Variants in ACOX1 observed in about 807,000 individuals in gnomAD.
ACOX1 encodes the protein acyl-CoA oxidase 1, also known as peroxisomal acyl-coenzyme A oxidase 1.
ACOX1 carries 41 observed loss-of-function variants against 75.5 expected under a neutral mutation model. The observed-to-expected ratio is 0.54, with a 90% CI of 0.42 to 0.70. The LOEUF is 0.70. Among genes scored for constraint, ACOX1 ranks in the 30% least tolerant of loss-of-function variants. ACOX1 has a pLI of 0.00. For missense variants in ACOX1, 630 were observed against 837.5 expected, an observed-to-expected ratio of 0.75 and a Z score of 3.06; for synonymous variants, 303 against 298.8, an observed-to-expected ratio of 1.01 and a Z score of -0.15.
chr17:75,954,569 T>C (rs1190439747), intron 6 of ACOX1, among the ~76,000 whole-genome samples: 1 of 96,986 alleles, frequency 1.0e-5, no homozygotes, highest in Non-Finnish European at 1.9e-5. Flanking sequence ...TATTAGCTCC[T>C]TTTTTTTTTT....
At chr17:75,956,163 A>C (rs539994778) in intron 4 of ACOX1, among the ~76,000 whole-genome samples, 58 of 152,282 alleles carry the variant, frequency 3.8e-4, no homozygotes, top group African/African-American at 1.4e-3. Context: ...TTTCTCATAC[A>C]TTTACGTAGA....
At chr17:75,970,688 C>A (rs1250776966) in intron 2 of ACOX1, among the ~76,000 whole-genome samples, 2 of 152,150 alleles carry the variant, frequency 1.3e-5, no homozygotes, top group African/African-American at 4.8e-5. Context: ...TCTGTGAGAC[C>A]GCGTTAGATA....
chr17:75,975,487 C>T (rs2144320478), intron 2 of ACOX1, among the ~76,000 whole-genome samples: 1 of 152,308 alleles, frequency 6.6e-6, no homozygotes, highest in Admixed American at 6.5e-5. Flanking sequence ...TTACATAAAT[C>T]ATAATCCACT....
chr17:75,954,453 G>A (rs2065803879), intron 6 of ACOX1, among the ~76,000 whole-genome samples: 1 of 148,022 alleles, frequency 6.8e-6, no homozygotes, highest in Admixed American at 6.7e-5. Context: ...AACCCAGGAG[G>A]CGGAGGTTGC....
intron 2 of ACOX1, among the ~76,000 whole-genome samples, chr17:75,965,630 C>A (rs559624444): frequency 1.3e-4 from 20 of 151,498 alleles, no homozygotes; most frequent in African/African-American, 4.8e-4. Context: ...TTTTAAATAC[C>A]TTACAAGCCT....
At chr17:75,948,912 T>C (rs569587732) in intron 12 of ACOX1, among the ~76,000 whole-genome samples, 3 of 150,318 alleles carry the variant, frequency 2.0e-5, no homozygotes, top group Non-Finnish European at 2.9e-5. Flanking sequence ...CAGGCTGGAA[T>C]GCAGTGGTTT....
intron 2 of ACOX1, among the ~76,000 whole-genome samples, chr17:75,965,337 CAA>C (rs11293371): frequency 4.5e-4 from 37 of 81,700 alleles, no homozygotes; most frequent in African/African-American, 9.6e-4. Flanking sequence ...GACTCTGTCT[CAA>C]AAAAAAAAAA....
chr17:75,966,693 C>T (rs1032340650), intron 2 of ACOX1, among the ~76,000 whole-genome samples: 5 of 151,696 alleles, frequency 3.3e-5, no homozygotes, highest in Non-Finnish European at 5.9e-5. Context: ...ATTCCAGCTA[C>T]TGGGGAGGCT....
chr17:75,948,227 G>A (rs1227004793), intron 13 of ACOX1, 24 bp downstream of exon 13: 5 of 1,610,502 alleles, frequency 3.1e-6, no homozygotes, highest in African/African-American at 1.3e-5. Flanking sequence ...CTTTTAAAAA[G>A]GTGCAGAGAC....
Position 75,969,665 on chromosome 17 carries a change from A to G in ACOX1, c.269+8869T>C, listed in dbSNP as rs114713492. On this transcript the variant is annotated intron_variant, in intron 2 of 13. Transcript: ENST00000293217. ...TGATGACTTAAAAATCAAGTTTACTACCTCTTTCCAGTTTCAAAGAAAGGT... is the reference window on the plus strand; with the variant it reads ...TGATGACTTAAAAATCAAGTTTACTGCCTCTTTCCAGTTTCAAAGAAAGGT... Among the ~76,000 whole-genome samples, 681 of 152,224 alleles carry G rather than the reference A, an allele frequency of 4.5e-3. 3 individuals are homozygous for G. Among genetic ancestry groups the G allele is most frequent in the African/African-American group, 0.016 (657 of 41,532 alleles).
At position 75,949,620 on chromosome 17, in the gene ACOX1, A is replaced by G. The variant is rs1358697125; in HGVS notation, c.1479-20T>C. 1 of 1,613,290 alleles carries G rather than the reference A, an allele frequency of 6.2e-7. No individual in the cohort carries two copies. The highest frequency in any genetic ancestry group is 1.3e-5 in the African/African-American group (1 of 75,040). ...ACTAATCTGTTAAGACATAGATTGG[A>G]GGTCTGAGGAAATGATCAACAGTAC... On this transcript the variant is annotated intron_variant, in intron 10 of 13. Transcript: ENST00000293217.
In ACOX1 at chr17:75,960,886, GA is replaced by G. The variant is rs2065880746; in HGVS notation, c.270-512del. Among the ~76,000 whole-genome samples the G allele has an allele frequency of 1.3e-5, 2 of 152,146 alleles. No individual in the cohort carries two copies. The highest frequency in any genetic ancestry group is 4.1e-4 in the South Asian group (2 of 4,834). On this transcript the variant is annotated intron_variant, in intron 2 of 13. Transcript: ENST00000293217. The surrounding 1 kb of genome is among the most constrained non-coding windows in gnomAD (Gnocchi z 4.4). ...CCAGCTATTTGGGAGCCTGAGGCAG[GA>G]AAATCGCTTGAACCTAGGAGGCGGA...
rs56285378 is a variant in ACOX1 at position 75,978,306 on chromosome 17, A to G, written c.269+228T>C. Among the ~76,000 whole-genome samples, 28,026 of 151,684 alleles carry G rather than the reference A, an allele frequency of 0.18. 3,126 individuals are homozygous for G. The highest frequency in any genetic ancestry group is 0.32 in the African/African-American group (13,196 of 41,352). On this transcript the variant is annotated intron_variant, in intron 2 of 13. Transcript: ENST00000293217. The surrounding 1 kb of genome is among the most constrained non-coding windows in gnomAD (Gnocchi z 4.2). ...GATGGGGTTTCACCGTGTTAGCCAGAATGGTCTCGATCTCCTGACTTGGTG... is the reference window on the plus strand; with the variant it reads ...GATGGGGTTTCACCGTGTTAGCCAGGATGGTCTCGATCTCCTGACTTGGTG...
rs1176648161 is a variant in ACOX1 at position 75,945,755 on chromosome 17, T to C, written c.*993A>G. 2 of 153,656 alleles carry C rather than the reference T, an allele frequency of 1.3e-5. No homozygotes were observed. Among genetic ancestry groups the C allele is most frequent in the Non-Finnish European group, 2.9e-5 (2 of 68,040 alleles). The allele number at this position is 153,656 out of a possible 1,614,324, so 9.5% of individuals were successfully genotyped here. Reference sequence around the variant, plus strand: ...CCTATGGAACTTCCATTTTTCTAACTATAGTTTTTTGTTTTTGTTTTTTCC... The same window carrying C: ...CCTATGGAACTTCCATTTTTCTAACCATAGTTTTTTGTTTTTGTTTTTTCC... On this transcript the variant is annotated 3_prime_UTR_variant, in exon 14 of 14. Coordinates refer to ENST00000293217, the MANE Select transcript of ACOX1 (RefSeq NM_004035.7).
chr17:75,968,331 G>A (rs1392716576), intron 2 of ACOX1, among the ~76,000 whole-genome samples: 1 of 146,674 alleles, frequency 6.8e-6, no homozygotes, highest in Non-Finnish European at 1.5e-5. Flanking sequence ...AGCTACTTGG[G>A]AGGCTGAGGC....
intron 13 of ACOX1, among the ~76,000 whole-genome samples, chr17:75,947,734 A>AG (rs1382374659): frequency 7.2e-6 from 1 of 138,374 alleles, no homozygotes; most frequent in Non-Finnish European, 1.6e-5. Context: ...TTTGAGACAG[A>AG]GTTTTGCTCT....
At chr17:75,964,891 T>C (rs575679917) in intron 2 of ACOX1, among the ~76,000 whole-genome samples, 1 of 152,026 alleles carries the variant, frequency 6.6e-6, no homozygotes, top group African/African-American at 2.4e-5. Flanking sequence ...CAATCAATAC[T>C]GAGGAAAAAC....
chr17:75,948,099 C>T, intron 13 of ACOX1, 152 bp downstream of exon 13: 2 of 763,712 alleles, frequency 2.6e-6, no homozygotes, highest in East Asian at 2.7e-5. Flanking sequence ...CAACCCAGTT[C>T]CCTTCTGAAC....
chr17:75,962,245 A>G (rs2065894691), intron 2 of ACOX1, among the ~76,000 whole-genome samples: 1 of 152,200 alleles, frequency 6.6e-6, no homozygotes, highest in South Asian at 2.1e-4. Context: ...GACAAGTTAC[A>G]GATTCATGCA....
Sources: gnomAD v4.1 joint callset for allele counts (sites outside exome capture counted in the v4.1 genomes callset) on GRCh38, gnomAD v4.1.1 for gene constraint, Gnocchi (gnomAD v3.1) non-coding constraint, MANE v1.5 for transcripts, NCBI Gene and HGNC (gene_info 2026-07-23, HGNC 2026-07-21) for gene names.